The following FILIP1L variants were observed in gnomAD, a reference collection of about 807,000 sequenced individuals.
The protein encoded by FILIP1L is filamin A interacting protein 1 like, also known as filamin A-interacting protein 1-like.
Under a neutral mutation model 96.6 loss-of-function variants are expected in FILIP1L, and 55 were observed. The ratio of observed to expected loss-of-function variants is 0.57; its 90% CI spans 0.46 to 0.71. The LOEUF (loss-of-function observed/expected upper bound fraction) is 0.71, where lower values mean the gene tolerates loss of function less well. Among genes scored for constraint, FILIP1L ranks in the 30% least tolerant of loss-of-function variants. FILIP1L has a pLI of 0.00. For missense variants in FILIP1L, 1,304 were observed against 1,321.2 expected (o/e 0.99, Z 0.20); for synonymous variants, 467 against 473.9 (o/e 0.99, Z 0.19).
At chr3:99,833,262 C>T (rs763347385) in intron 5 of FILIP1L, 73 of 1,610,744 alleles carry the variant, frequency 4.5e-5, no homozygotes, top group Non-Finnish European at 6.1e-5. Flanking sequence ...GTGGTTCCAC[C>T]TAGGGAGCAG....
chr3:99,867,368 T>C (rs1486127492), intron 4 of FILIP1L, among the ~76,000 whole-genome samples: 2 of 152,174 alleles, frequency 1.3e-5, no homozygotes, highest in Non-Finnish European at 2.9e-5. Flanking sequence ...TCTTACCTTG[T>C]GATTTGAATT....
At chr3:100,106,998 G>C (rs1391251934) in intron 1 of FILIP1L, among the ~76,000 whole-genome samples, 2 of 152,148 alleles carry the variant, frequency 1.3e-5, no homozygotes, top group Non-Finnish European at 2.9e-5. Context: ...ATGTGTGTCT[G>C]ACCTAACTCT....
intron 1 of FILIP1L, among the ~76,000 whole-genome samples, chr3:100,019,727 A>G (rs563362767): frequency 6.6e-6 from 1 of 152,262 alleles, no homozygotes; most frequent in South Asian, 2.1e-4. Flanking sequence ...TTTGTGTAAG[A>G]CTGCGATTCA....
chr3:99,869,515 A>G (rs533560548), intron 4 of FILIP1L, among the ~76,000 whole-genome samples: 49 of 152,304 alleles, frequency 3.2e-4, no homozygotes, highest in African/African-American at 1.2e-3. Flanking sequence ...AGAGTAATTC[A>G]CTTCTTCTGC....
chr3:100,033,178 C>T (rs190931747), intron 1 of FILIP1L, among the ~76,000 whole-genome samples: 1 of 152,276 alleles, frequency 6.6e-6, no homozygotes, highest in East Asian at 1.9e-4. Context: ...ATTTTGGCCC[C>T]TTAAAACCTT....
At chr3:99,925,970 T>A in intron 3 of FILIP1L, 1 of 710,942 alleles carries the variant, frequency 1.4e-6, no homozygotes, top group Non-Finnish European at 1.7e-6. Flanking sequence ...AGTGATAAAT[T>A]AATATCTATT....
intron 1 of FILIP1L, among the ~76,000 whole-genome samples, chr3:100,056,084 A>G (rs1301341379): frequency 6.6e-6 from 1 of 152,206 alleles, no homozygotes; most frequent in Non-Finnish European, 1.5e-5. Context: ...AGTGCAAGCT[A>G]TGGTATACCA....
At position 100,068,811 on chromosome 3, in the gene FILIP1L, A is replaced by T. The variant is rs146584252; in HGVS notation, c.-11+45242T>A. 3.5e-3 allele frequency among the ~76,000 whole-genome samples: 535 copies of T among 152,210 alleles called. 2 individuals carry two copies. The highest frequency in any genetic ancestry group is 0.012 in the African/African-American group (509 of 41,544). On this transcript the variant is annotated intron_variant, in intron 1 of 5. Transcript: ENST00000477258. ...CCCAGCTAATTTTTGTATTTTTAGTACAAATGGGGTTTCACCATGTTGGCC... is the reference window on the plus strand; with the variant it reads ...CCCAGCTAATTTTTGTATTTTTAGTTCAAATGGGGTTTCACCATGTTGGCC...
At chr3:100,031,247 G>T (rs1354468010) in intron 1 of FILIP1L, among the ~76,000 whole-genome samples, 3 of 152,086 alleles carry the variant, frequency 2.0e-5, no homozygotes, top group Non-Finnish European at 4.4e-5. Context: ...TGGAAATCAG[G>T]ATGAGCTATT....
At chr3:99,979,940 G>A (rs1042694364) in intron 1 of FILIP1L, among the ~76,000 whole-genome samples, 2 of 151,854 alleles carry the variant, frequency 1.3e-5, no homozygotes, top group Non-Finnish European at 2.9e-5. Flanking sequence ...CTAATTTGTG[G>A]TTAAGGACAT....
chr3:99,998,864 C>T (rs538991818), intron 1 of FILIP1L, among the ~76,000 whole-genome samples: 107 of 152,268 alleles, frequency 7.0e-4, no homozygotes, highest in Non-Finnish European at 1.1e-3. Flanking sequence ...CCACCGCGCC[C>T]GGCCATGGTT....
chr3:100,075,128 C>T (rs1181787572), intron 1 of FILIP1L, among the ~76,000 whole-genome samples: 10 of 152,090 alleles, frequency 6.6e-5, no homozygotes. Flanking sequence ...TGGGGTCAAA[C>T]CCAGATTCTC....
intron 1 of FILIP1L, among the ~76,000 whole-genome samples, chr3:100,079,864 A>G (rs1463822032): frequency 2.0e-5 from 3 of 152,190 alleles, no homozygotes; most frequent in African/African-American, 7.2e-5. Flanking sequence ...AAAAATAACT[A>G]ACATAAAATA....
chr3:100,072,110 A>T (rs886629771), intron 1 of FILIP1L, among the ~76,000 whole-genome samples: 2 of 152,162 alleles, frequency 1.3e-5, no homozygotes, highest in African/African-American at 4.8e-5. Context: ...CTCATCACCC[A>T]CTTGAGCGTT....
chr3:100,016,907 A>G (rs1199182966), intron 1 of FILIP1L, among the ~76,000 whole-genome samples: 1 of 152,230 alleles, frequency 6.6e-6, no homozygotes, highest in African/African-American at 2.4e-5. Context: ...CAAAATATCA[A>G]TCAGAATATT....
At chr3:100,047,721 A>G (rs2065299929) in intron 1 of FILIP1L, among the ~76,000 whole-genome samples, 1 of 152,208 alleles carries the variant, frequency 6.6e-6, no homozygotes, top group South Asian at 2.1e-4. Flanking sequence ...GTCTAGCTAT[A>G]GCCTCAATCA....
chr3:99,943,838 G>A (rs780933481), intron 1 of FILIP1L, among the ~76,000 whole-genome samples: 3 of 152,206 alleles, frequency 2.0e-5, no homozygotes, highest in East Asian at 1.9e-4. Flanking sequence ...CGGCCTGGCC[G>A]AGTTATAATC....
chr3:99,989,580 T>C (rs1709451141), intron 1 of FILIP1L, among the ~76,000 whole-genome samples: 1 of 152,260 alleles, frequency 6.6e-6, no homozygotes, highest in Admixed American at 6.5e-5. Flanking sequence ...CAAGCTACTC[T>C]GACTTTATTT....
At chr3:100,021,540 C>T (rs544858662) in intron 1 of FILIP1L, among the ~76,000 whole-genome samples, 54 of 152,234 alleles carry the variant, frequency 3.5e-4, no homozygotes, top group Admixed American at 3.3e-4. Flanking sequence ...AGAACAGAGT[C>T]AAGAAAGGAG....
Sources: allele counts gnomAD v4.1 joint callset (sites outside exome capture counted in the v4.1 genomes callset), GRCh38; gene constraint gnomAD v4.1.1; transcripts MANE v1.5; gene names NCBI Gene and HGNC (gene_info 2026-07-23, HGNC 2026-07-21).